The following C5orf58 variants were observed in gnomAD, a reference collection of about 807,000 sequenced individuals.
The protein encoded by C5orf58 is chromosome 5 open reading frame 58, also known as putative uncharacterized protein C5orf58.
Under a neutral mutation model 2.9 loss-of-function variants are expected in C5orf58, and 2 were observed. The observed-to-expected ratio is 0.69, with a 90% CI of 0.28 to 2.18. The LOEUF (loss-of-function observed/expected upper bound fraction) is 2.18. Among genes scored for constraint, C5orf58 ranks in the 30% most tolerant of loss-of-function variants. The pLI is 0.13. For missense variants in C5orf58, 96 were observed against 91.7 expected (o/e 1.05, Z -0.19); for synonymous variants, 37 against 33.4 (o/e 1.11, Z -0.37).
chr5:170,243,297 C>T (rs1291933217), intron 3 of C5orf58, among the ~76,000 whole-genome samples: 2 of 140,722 alleles, frequency 1.4e-5, no homozygotes, highest in Non-Finnish European at 3.1e-5. Context: ...ATTAGGTCCG[C>T]TTGGTGCAGA....
intron 3 of C5orf58, among the ~76,000 whole-genome samples, chr5:170,242,763 G>A (rs931105815): frequency 4.0e-5 from 6 of 151,234 alleles, no homozygotes; most frequent in African/African-American, 1.5e-4. Context: ...AGGGTTTTTT[G>A]TGTCTCTATT....
At chr5:170,239,052 T>C (rs1428135663) in intron 3 of C5orf58, among the ~76,000 whole-genome samples, 2 of 152,192 alleles carry the variant, frequency 1.3e-5, no homozygotes, top group African/African-American at 2.4e-5. Flanking sequence ...TCAGTTCAGA[T>C]TGGAGCAAAT....
At chr5:170,247,914 C>G (rs1008031772), downstream of C5orf58, 2 of 152,164 alleles carry the variant, frequency 1.3e-5, no homozygotes, top group Non-Finnish European at 2.9e-5. Context: ...TGAAGAAATG[C>G]CAACTTAACC....
At chr5:170,238,761 G>C (rs1013779793) in intron 3 of C5orf58, among the ~76,000 whole-genome samples, 2 of 152,192 alleles carry the variant, frequency 1.3e-5, no homozygotes, top group Admixed American at 1.3e-4. Flanking sequence ...CAATGCAGCA[G>C]TGCCTTTGGA....
intron 2 of C5orf58, among the ~76,000 whole-genome samples, chr5:170,234,579 G>T (rs1357319540): frequency 6.6e-6 from 1 of 152,006 alleles, no homozygotes; most frequent in Admixed American, 6.6e-5. Context: ...ATCATATGTG[G>T]GCCCTGTTAT....
At chr5:170,244,043 A>T (rs1761140842) in intron 3 of C5orf58, among the ~76,000 whole-genome samples, 1 of 151,562 alleles carries the variant, frequency 6.6e-6, no homozygotes, top group African/African-American at 2.4e-5. Flanking sequence ...TATGAAGCTT[A>T]GTTTGGCTGG....
downstream of C5orf58, among the ~76,000 whole-genome samples, chr5:170,250,134 G>A (rs932272877): frequency 2.6e-5 from 4 of 152,154 alleles, no homozygotes; most frequent in African/African-American, 9.7e-5. Context: ...AGTATGTTTG[G>A]GGCGTTACCT....
chr5:170,239,214 C>T (rs1009063870), intron 3 of C5orf58, among the ~76,000 whole-genome samples: 1 of 152,044 alleles, frequency 6.6e-6, no homozygotes, highest in Non-Finnish European at 1.5e-5. Context: ...TGGTGGGTTG[C>T]GTGCAGGAAG....
chr5:170,239,215 G>A (rs763982569), intron 3 of C5orf58, among the ~76,000 whole-genome samples: 1 of 152,148 alleles, frequency 6.6e-6, no homozygotes, highest in Admixed American at 6.5e-5. Context: ...GGTGGGTTGC[G>A]TGCAGGAAGG....
At chr5:170,241,293 G>A (rs1760996154) in intron 3 of C5orf58, among the ~76,000 whole-genome samples, 1 of 151,582 alleles carries the variant, frequency 6.6e-6, no homozygotes, top group African/African-American at 2.4e-5. Flanking sequence ...CTTTAAAGTA[G>A]TTTTTTCCAA....
intron 3 of C5orf58, among the ~76,000 whole-genome samples, chr5:170,238,148 C>T (rs1357308395): frequency 2.0e-5 from 3 of 151,714 alleles, no homozygotes; most frequent in Admixed American, 6.6e-5. Flanking sequence ...ACTTGAGGGA[C>T]AAATCTAATA....
At chr5:170,246,934 C>G (rs1392684451), downstream of C5orf58, 3 of 152,328 alleles carry the variant, frequency 2.0e-5, no homozygotes, top group Middle Eastern at 3.4e-3. Context: ...AACAGAACAT[C>G]TTAATCCTGA....
At chr5:170,250,644 A>G (rs146059783), downstream of C5orf58, 2 of 1,055,418 alleles carry the variant, frequency 1.9e-6, no homozygotes, top group African/African-American at 1.6e-5. Flanking sequence ...GCCATACAGC[A>G]CGGACTCTCA....
At chr5:170,247,254 T>A (rs1387167331), downstream of C5orf58, 1 of 152,182 alleles carries the variant, frequency 6.6e-6, no homozygotes, top group African/African-American at 2.4e-5. Flanking sequence ...AACTCCCAAG[T>A]TTTGGACCCT....
chr5:170,240,024 TG>T (rs1321667331), intron 3 of C5orf58, among the ~76,000 whole-genome samples: 1 of 145,684 alleles, frequency 6.9e-6, no homozygotes, highest in African/African-American at 2.6e-5. Flanking sequence ...GAATATGCGG[TG>T]TTTGGTTTTT....
At chr5:170,245,437 T>C (rs540115455) in intron 3 of C5orf58, among the ~76,000 whole-genome samples, 29 of 152,264 alleles carry the variant, frequency 1.9e-4, no homozygotes, top group African/African-American at 7.0e-4. Context: ...TCCGTGGGCG[T>C]AGGACCTTCC....
downstream of C5orf58, chr5:170,250,940 G>C (rs762305943): frequency 2.0e-6 from 3 of 1,464,572 alleles, no homozygotes; most frequent in Non-Finnish European, 2.8e-6. Flanking sequence ...TATTTTTGTT[G>C]CTTGTAAGAG....
intron 1 of C5orf58, chr5:170,233,736 C>T (rs1195653610): frequency 5.5e-6 from 1 of 181,692 alleles, no homozygotes; most frequent in Non-Finnish European, 1.1e-5. Context: ...TGGCCGAGCT[C>T]CCCGGGGAGG....
At chr5:170,235,426 T>C (rs879379228) in intron 3 of C5orf58, among the ~76,000 whole-genome samples, 6 of 152,182 alleles carry the variant, frequency 3.9e-5, no homozygotes, top group Non-Finnish European at 7.3e-5. Context: ...CCATTCCAAA[T>C]TAAAAAGTAT....
Sources: allele counts gnomAD v4.1 joint callset (sites outside exome capture counted in the v4.1 genomes callset), GRCh38; gene constraint gnomAD v4.1.1; transcripts MANE v1.5; gene names NCBI Gene and HGNC (gene_info 2026-07-23, HGNC 2026-07-21).